Variants in ASB5 observed in about 807,000 individuals in gnomAD.
The protein encoded by ASB5 is ankyrin repeat and SOCS box protein 5.
ASB5 carries 45 observed loss-of-function variants against 42.1 expected under a neutral mutation model. That is an observed-to-expected ratio of 1.07 (90% CI 0.84 to 1.37). ASB5 has a LOEUF of 1.37. ASB5 is among the 40% of genes most tolerant of loss of function. ASB5 has a pLI of 0.00. For synonymous variants in ASB5, 147 were observed against 150.6 expected (o/e 0.98, Z 0.18); for missense variants, 402 against 399.8 (o/e 1.01, Z -0.05).
chr4:176,267,397 G>T (rs1178593912), intron 1 of ASB5, among the ~76,000 whole-genome samples: 1 of 152,180 alleles, frequency 6.6e-6, no homozygotes, highest in Non-Finnish European at 1.5e-5. Context: ...GGCTGAGGCA[G>T]GAGGATCCCT....
Position 176,216,800 on chromosome 4 carries a change from C to A in ASB5, c.862+18G>T. 1 of 1,515,132 alleles carries A rather than the reference C, an allele frequency of 6.6e-7. No individual in the cohort carries two copies. Among genetic ancestry groups the A allele is most frequent in the Non-Finnish European group, 8.8e-7 (1 of 1,132,298 alleles). 93.9% of individuals were successfully genotyped at this position (1,515,132 alleles called of 1,614,324 possible). ...AATATATTTTGTTTTTGTAAGTTTC[C>A]ACATGTATTTTTCTTACCTTCATGT... On this transcript the variant is annotated intron_variant, in intron 6 of 6. Transcript: ENST00000296525.
chr4:176,255,776 T>G (rs1754143825), intron 1 of ASB5, among the ~76,000 whole-genome samples: 1 of 152,122 alleles, frequency 6.6e-6, no homozygotes, highest in Non-Finnish European at 1.5e-5. Flanking sequence ...AGTACCTGGG[T>G]GATGAGATCA....
intron 1 of ASB5, among the ~76,000 whole-genome samples, chr4:176,227,524 C>A (rs555407492): frequency 6.6e-6 from 1 of 152,148 alleles, no homozygotes; most frequent in Admixed American, 6.5e-5. Context: ...AAGCAGAGAA[C>A]GCTTACACAG....
chr4:176,244,081 T>A (rs1753862574), intron 1 of ASB5, among the ~76,000 whole-genome samples: 1 of 152,218 alleles, frequency 6.6e-6, no homozygotes, highest in South Asian at 2.1e-4. Flanking sequence ...GCTTTGTATT[T>A]GACTCACCAT....
chr4:176,271,938 CAG>C (rs1277443262), upstream of ASB5, among the ~76,000 whole-genome samples: 1 of 151,972 alleles, frequency 6.6e-6, no homozygotes, highest in Non-Finnish European at 1.5e-5. Context: ...GAGATTGAGA[CAG>C]AGTCACACAG....
intron 1 of ASB5, among the ~76,000 whole-genome samples, chr4:176,239,696 A>T (rs1231637538): frequency 1.3e-5 from 2 of 152,156 alleles, no homozygotes; most frequent in Non-Finnish European, 2.9e-5. Context: ...ATGCTTTAAG[A>T]AGGCTTTCTG....
At chr4:176,256,113 T>G (rs1168240530) in intron 1 of ASB5, among the ~76,000 whole-genome samples, 2 of 152,166 alleles carry the variant, frequency 1.3e-5, no homozygotes, top group Non-Finnish European at 2.9e-5. Context: ...CATAAGATAT[T>G]CCATTTTGAG....
chr4:176,225,769 T>C (rs1313995164), intron 1 of ASB5, among the ~76,000 whole-genome samples: 1 of 152,070 alleles, frequency 6.6e-6, no homozygotes, highest in Non-Finnish European at 1.5e-5. Flanking sequence ...TTTGTATTTT[T>C]AGTAGAGACA....
At chr4:176,267,661 A>AGGT (rs1041501852) in intron 1 of ASB5, among the ~76,000 whole-genome samples, 85 of 152,280 alleles carry the variant, frequency 5.6e-4, no homozygotes, top group African/African-American at 2.0e-3. Context: ...TCTAAGGCAG[A>AGGT]GGTGGTAGGT....
intron 6 of ASB5, among the ~76,000 whole-genome samples, chr4:176,216,432 C>G (rs753179381): frequency 1.3e-5 from 2 of 152,052 alleles, no homozygotes; most frequent in Non-Finnish European, 2.9e-5. Flanking sequence ...CTCACTGCAA[C>G]CTCCGCCTCC....
intron 1 of ASB5, among the ~76,000 whole-genome samples, chr4:176,251,095 CAT>C (rs1252097267): frequency 6.6e-6 from 1 of 151,942 alleles, no homozygotes. Flanking sequence ...ACAAGGACTT[CAT>C]GTAAGAACCA....
intron 1 of ASB5, among the ~76,000 whole-genome samples, chr4:176,251,848 G>A (rs1003907823): frequency 6.6e-6 from 1 of 151,384 alleles, no homozygotes; most frequent in African/African-American, 2.4e-5. Context: ...GATCACTTAA[G>A]CCCAGGAGTT....
intron 1 of ASB5, among the ~76,000 whole-genome samples, chr4:176,237,134 G>A (rs1003792478): frequency 1.3e-5 from 2 of 152,138 alleles, no homozygotes; most frequent in Non-Finnish European, 1.5e-5. Context: ...TTCCATACAC[G>A]AAAAGGCAAG....
At chr4:176,272,840 T>A (rs955342019), upstream of ASB5, among the ~76,000 whole-genome samples, 6 of 152,228 alleles carry the variant, frequency 3.9e-5, no homozygotes, top group Admixed American at 3.9e-4. Flanking sequence ...AGCTATTAGA[T>A]TGAAAATATC....
intron 1 of ASB5, among the ~76,000 whole-genome samples, chr4:176,227,552 T>C (rs982617050): frequency 3.3e-5 from 5 of 152,220 alleles, no homozygotes; most frequent in African/African-American, 1.2e-4. Flanking sequence ...CATATGCCCA[T>C]GTCCTGCCCT....
chr4:176,221,116 G>T (rs1382694600), intron 5 of ASB5, 39 bp downstream of exon 5: 4 of 1,574,404 alleles, frequency 2.5e-6, no homozygotes, highest in Middle Eastern at 1.7e-4. Flanking sequence ...AACTGCTTGT[G>T]TGTATGGACA....
chr4:176,261,631 T>C (rs774580242), intron 1 of ASB5, among the ~76,000 whole-genome samples: 1 of 152,212 alleles, frequency 6.6e-6, no homozygotes, highest in Non-Finnish European at 1.5e-5. Context: ...TGTTCTGCCT[T>C]TGGATTTCTG....
At chr4:176,259,661 G>C (rs1388199757) in intron 1 of ASB5, among the ~76,000 whole-genome samples, 1 of 152,210 alleles carries the variant, frequency 6.6e-6, no homozygotes, top group African/African-American at 2.4e-5. Flanking sequence ...GTGAAGAGCA[G>C]ATTTCCAATG....
chr4:176,243,132 G>T (rs1316370005), intron 1 of ASB5, among the ~76,000 whole-genome samples: 1 of 152,138 alleles, frequency 6.6e-6, no homozygotes, highest in African/African-American at 2.4e-5. Flanking sequence ...TACAGGAAAA[G>T]TGTGCCAACC....
Sources: gnomAD v4.1 joint callset for allele counts (sites outside exome capture counted in the v4.1 genomes callset) on GRCh38, gnomAD v4.1.1 for gene constraint, MANE v1.5 for transcripts, NCBI Gene and HGNC (gene_info 2026-07-23, HGNC 2026-07-21) for gene names.